Variants in AUTS2 observed in about 807,000 individuals in gnomAD.
AUTS2 encodes the protein activator of transcription and developmental regulator AUTS2.
AUTS2 carries 17 observed loss-of-function variants against 112.4 expected under a neutral mutation model. The ratio of observed to expected loss-of-function variants is 0.15; its 90% CI spans 0.10 to 0.23. The LOEUF (loss-of-function observed/expected upper bound fraction) is 0.23. AUTS2 is among the 10% of genes least tolerant of loss of function. The pLI is 1.00. For synonymous variants in AUTS2, 751 were observed against 702.7 expected (o/e 1.07, Z -1.09); for missense variants, 1,510 against 1,701.6 (o/e 0.89, Z 1.98).
At chr7:70,706,970 T>C (rs1163625570) in intron 6 of AUTS2, among the ~76,000 whole-genome samples, 1 of 152,220 alleles carries the variant, frequency 6.6e-6, no homozygotes, top group Non-Finnish European at 1.5e-5. Flanking sequence ...TTGAAGACGC[T>C]TACTAGCTGT....
chr7:70,255,214 C>T (rs1025152441), intron 4 of AUTS2, among the ~76,000 whole-genome samples: 4 of 151,318 alleles, frequency 2.6e-5, no homozygotes, highest in African/African-American at 7.3e-5. Context: ...GTGGGGATTA[C>T]AGGGATGTGC....
intron 6 of AUTS2, among the ~76,000 whole-genome samples, chr7:70,716,356 G>A (rs1352278277): frequency 5.3e-5 from 8 of 152,212 alleles, no homozygotes; most frequent in Middle Eastern, 3.4e-3. Context: ...GTTAAAGGCC[G>A]GGCACAGTGG....
intron 1 of AUTS2, among the ~76,000 whole-genome samples, chr7:69,658,132 C>G (rs1259375727): frequency 6.6e-6 from 1 of 152,236 alleles, no homozygotes; most frequent in East Asian, 1.9e-4. Context: ...CAGCCATGCT[C>G]ATTCATTTAC....
intron 5 of AUTS2, among the ~76,000 whole-genome samples, chr7:70,689,340 C>CA (rs796557561): frequency 7.9e-5 from 12 of 152,228 alleles, no homozygotes; most frequent in African/African-American, 2.9e-4. Flanking sequence ...GTGATGGCAC[C>CA]ACTGCACTCC....
rs138191649 is a variant in AUTS2 at position 70,243,508 on chromosome 7, C to T, written c.660+108937C>T. 3.4e-4 allele frequency among the ~76,000 whole-genome samples: 52 copies of T among 152,068 alleles called. No individual in the cohort carries two copies. In the East Asian group the frequency reaches 9.3e-3, roughly 27 times the overall value. ...ACAACTGTTGAGACATTTCAGTGTG[C>T]GGAGACTCCCTCCTAGAACTCTTTA... On this transcript the variant is annotated intron_variant, in intron 4 of 18. Transcript: ENST00000342771.
At chr7:70,184,569 G>A (rs1424140707) in intron 4 of AUTS2, among the ~76,000 whole-genome samples, 1 of 152,206 alleles carries the variant, frequency 6.6e-6, no homozygotes, top group Non-Finnish European at 1.5e-5. Context: ...TTTTTTGGAT[G>A]TATGAATGAA....
intron 3 of AUTS2, chr7:70,118,849 ATC>A (rs1805528711): frequency 6.6e-6 from 1 of 152,204 alleles, no homozygotes; most frequent in Admixed American, 6.5e-5. Flanking sequence ...CTCTTGAGAT[ATC>A]TGTTTGCCCT....
At chr7:70,420,477 A>C (rs1019440972) in intron 4 of AUTS2, among the ~76,000 whole-genome samples, 1 of 152,306 alleles carries the variant, frequency 6.6e-6, no homozygotes, top group South Asian at 2.1e-4. Flanking sequence ...GGGTAAAATA[A>C]ACCCTCTGCC....
intron 2 of AUTS2, among the ~76,000 whole-genome samples, chr7:70,068,480 G>A (rs761773859): frequency 3.9e-5 from 6 of 151,946 alleles, no homozygotes; most frequent in African/African-American, 4.8e-5. Context: ...CACTGTGCCC[G>A]GCCATAAGTA....
At chr7:69,628,889 G>C (rs139451678) in intron 1 of AUTS2, among the ~76,000 whole-genome samples, 73 of 152,296 alleles carry the variant, frequency 4.8e-4, no homozygotes, top group African/African-American at 1.6e-3. Flanking sequence ...TGAGGAAACC[G>C]AGGCACTGAG....
intron 5 of AUTS2, among the ~76,000 whole-genome samples, chr7:70,536,627 G>C (rs534435520): frequency 7.7e-6 from 1 of 130,480 alleles, no homozygotes; most frequent in Admixed American, 9.0e-5. Context: ...TAGGCCAAGC[G>C]CAGTGGCTCA....
chr7:69,801,859 T>C (rs1584266321), intron 1 of AUTS2, among the ~76,000 whole-genome samples: 2 of 152,086 alleles, frequency 1.3e-5, no homozygotes, highest in South Asian at 4.1e-4. Context: ...TGGTAAGTGC[T>C]AGGAAGGAGG....
intron 4 of AUTS2, among the ~76,000 whole-genome samples, chr7:70,242,580 CTG>C (rs1812677900): frequency 6.6e-6 from 1 of 152,204 alleles, no homozygotes; most frequent in Non-Finnish European, 1.5e-5. Flanking sequence ...TTCCATCCTA[CTG>C]TGTGATAACT....
chr7:70,319,870 A>C (rs957918815), intron 4 of AUTS2, among the ~76,000 whole-genome samples: 4 of 152,204 alleles, frequency 2.6e-5, no homozygotes, highest in African/African-American at 9.6e-5. Flanking sequence ...CTTACATTTT[A>C]CTGGAGAAGC....
chr7:69,999,492 T>C (rs1215258243), intron 2 of AUTS2, among the ~76,000 whole-genome samples: 2 of 152,216 alleles, frequency 1.3e-5, no homozygotes, highest in African/African-American at 2.4e-5. Flanking sequence ...ATATGACTTA[T>C]TTTTGCAAAA....
intron 4 of AUTS2, among the ~76,000 whole-genome samples, chr7:70,179,328 G>T (rs1182639979): frequency 6.6e-6 from 1 of 152,168 alleles, no homozygotes; most frequent in Non-Finnish European, 1.5e-5. Flanking sequence ...TGAAGCATGA[G>T]TTTTGGTCAC....
chr7:70,438,150 C>T (rs921685287), intron 5 of AUTS2, among the ~76,000 whole-genome samples: 1 of 152,052 alleles, frequency 6.6e-6, no homozygotes, highest in African/African-American at 2.4e-5. Flanking sequence ...ACTGAGAGCA[C>T]CCCACCAGGT....
chr7:69,918,290 A>T (rs572569748), intron 2 of AUTS2, among the ~76,000 whole-genome samples: 1 of 152,124 alleles, frequency 6.6e-6, no homozygotes, highest in African/African-American at 2.4e-5. Flanking sequence ...AAAAAGATCA[A>T]TTTCTTTTTT....
At chr7:70,449,863 T>A (rs2131048221) in intron 5 of AUTS2, among the ~76,000 whole-genome samples, 1 of 152,278 alleles carries the variant, frequency 6.6e-6, no homozygotes, top group African/African-American at 2.4e-5. Flanking sequence ...TATTAATATT[T>A]TAAGTACACC....
Sources: gnomAD v4.1 joint callset for allele counts (sites outside exome capture counted in the v4.1 genomes callset) on GRCh38, gnomAD v4.1.1 for gene constraint, MANE v1.5 for transcripts, NCBI Gene and HGNC (gene_info 2026-07-23, HGNC 2026-07-21) for gene names.